The following L3MBTL4 variants were observed in gnomAD, a reference collection of about 807,000 sequenced individuals.
The protein encoded by L3MBTL4 is L3MBTL histone methyl-lysine binding protein 4.
L3MBTL4 carries 70 observed loss-of-function variants against 84.5 expected under a neutral mutation model. The observed-to-expected ratio is 0.83, with a 90% CI of 0.68 to 1.01. L3MBTL4 has a LOEUF of 1.01. Among genes scored for constraint, L3MBTL4 ranks in the 50% least tolerant of loss-of-function variants. The pLI, the probability that L3MBTL4 is intolerant of heterozygous loss-of-function variation, is 0.00. For synonymous variants in L3MBTL4, 274 were observed against 259.8 expected, an observed-to-expected ratio of 1.05 and a Z score of -0.52; for missense variants, 715 against 754.8, an observed-to-expected ratio of 0.95 and a Z score of 0.62.
intron 3 of L3MBTL4, among the ~76,000 whole-genome samples, chr18:6,306,439 A>G (rs140269426): frequency 6.6e-6 from 1 of 152,234 alleles, no homozygotes; most frequent in Non-Finnish European, 1.5e-5. Context: ...TTATAAATAC[A>G]TGAATTTTAC....
At chr18:6,241,321 G>T in intron 8 of L3MBTL4, 37 bp downstream of exon 8, 2 of 1,162,372 alleles carry the variant, frequency 1.7e-6, no homozygotes, top group Non-Finnish European at 2.5e-6. Flanking sequence ...TTAAGCTTGG[G>T]GGAAATTTGA....
intron 16 of L3MBTL4, among the ~76,000 whole-genome samples, chr18:6,006,893 A>C (rs1357792001): frequency 3.3e-5 from 5 of 152,200 alleles, no homozygotes; most frequent in Non-Finnish European, 7.3e-5. Flanking sequence ...CTGAACAAAA[A>C]ACAAATAAAA....
At chr18:6,360,228 G>A (rs571504026) in intron 1 of L3MBTL4, among the ~76,000 whole-genome samples, 5 of 152,084 alleles carry the variant, frequency 3.3e-5, no homozygotes, top group East Asian at 1.9e-4. Context: ...AAAATTTAGC[G>A]GGGTGTGGAG....
intron 12 of L3MBTL4, among the ~76,000 whole-genome samples, chr18:6,173,694 A>G (rs576382116): frequency 6.6e-6 from 1 of 152,000 alleles, no homozygotes; most frequent in Non-Finnish European, 1.5e-5. Flanking sequence ...TAGAAGAATC[A>G]CCTCAGCCTG....
At chr18:6,268,734 A>G (rs2048740770) in intron 4 of L3MBTL4, among the ~76,000 whole-genome samples, 1 of 152,208 alleles carries the variant, frequency 6.6e-6, no homozygotes, top group South Asian at 2.1e-4. Flanking sequence ...GCCAAACATT[A>G]TATAATAAAC....
chr18:6,404,868 T>G (rs919418825), intron 1 of L3MBTL4, among the ~76,000 whole-genome samples: 1 of 151,308 alleles, frequency 6.6e-6, no homozygotes, highest in Non-Finnish European at 1.5e-5. Flanking sequence ...TTTTTTTTTT[T>G]GAAGAGACGA....
chr18:6,173,180 T>G (rs1319192836), intron 12 of L3MBTL4, among the ~76,000 whole-genome samples: 1 of 152,222 alleles, frequency 6.6e-6, no homozygotes, highest in Non-Finnish European at 1.5e-5. Context: ...ACATTTCTAC[T>G]GAACTTAGGT....
At chr18:6,354,142 A>C (rs917659942) in intron 1 of L3MBTL4, among the ~76,000 whole-genome samples, 1 of 152,178 alleles carries the variant, frequency 6.6e-6, no homozygotes, top group Non-Finnish European at 1.5e-5. Context: ...ACCTACAGTG[A>C]ACTTGTTTTC....
chr18:6,224,158 C>T (rs887300950), intron 10 of L3MBTL4, among the ~76,000 whole-genome samples: 3 of 151,940 alleles, frequency 2.0e-5, no homozygotes, highest in Non-Finnish European at 2.9e-5. Context: ...AGCCCCAAGG[C>T]GAACAGGTAA....
intron 4 of L3MBTL4, among the ~76,000 whole-genome samples, chr18:6,299,772 C>T (rs1289302558): frequency 1.3e-5 from 2 of 152,126 alleles, no homozygotes; most frequent in Non-Finnish European, 2.9e-5. Flanking sequence ...TGAGTTCAAG[C>T]TATCCTCTTG....
intron 16 of L3MBTL4, among the ~76,000 whole-genome samples, chr18:6,047,216 A>G (rs2056659811): frequency 6.6e-6 from 1 of 152,188 alleles, no homozygotes; most frequent in Non-Finnish European, 1.5e-5. Context: ...TGAAACCTTG[A>G]GCAGACCAAC....
At chr18:6,144,013 C>T (rs749899028) in intron 13 of L3MBTL4, among the ~76,000 whole-genome samples, 14 of 151,808 alleles carry the variant, frequency 9.2e-5, no homozygotes, top group African/African-American at 1.7e-4. Context: ...CTGGCTAACA[C>T]GGTGAAACCC....
chr18:6,393,778 C>CT (rs11457108), intron 1 of L3MBTL4, among the ~76,000 whole-genome samples: 78,383 of 151,690 alleles, frequency 0.52, 20,318 homozygotes, highest in East Asian at 0.59. Context: ...ATAGCCTCTC[C>CT]AGCAGGCTCT....
chr18:5,970,361 T>C (rs1400303567), intron 16 of L3MBTL4, among the ~76,000 whole-genome samples: 1 of 152,232 alleles, frequency 6.6e-6, no homozygotes, highest in Non-Finnish European at 1.5e-5. Flanking sequence ...CAACGGGATC[T>C]CCATGCACTT....
chr18:6,214,945 C>CTTTCTTTGGAGT (rs1406373304), intron 11 of L3MBTL4, among the ~76,000 whole-genome samples: 1 of 152,194 alleles, frequency 6.6e-6, no homozygotes, highest in Non-Finnish European at 1.5e-5. Context: ...AGTACTCCAA[C>CTTTCTTTGGAGT]ACTTCTACTT....
Position 6,220,526 on chromosome 18 carries a change from TCCCA to T in L3MBTL4, c.785-4695_785-4692del, listed in dbSNP as rs572149153. The stretch of plus-strand genomic sequence containing the variant: ...CTCTCTATATAATAGGGAGCCCCCC[TCCCA>T]AATGTATGTGCCCTTCCTAACCCCA... On this transcript the variant is annotated intron_variant, in intron 10 of 18. Transcript: ENST00000317931. 5.9e-4 allele frequency among the ~76,000 whole-genome samples: 90 copies of T among 152,204 alleles called. 1 individual carries two copies. The East Asian group carries it at 0.015, about 26-fold the overall frequency.
rs1437967389 is a variant in L3MBTL4, at chr18:5,997,844, G to T, written c.1445-28282C>A. 2.0e-5 allele frequency among the ~76,000 whole-genome samples: 3 copies of T among 152,098 alleles called. No individual in the cohort carries two copies. The East Asian group carries it at 5.8e-4, about 29-fold the overall frequency. On this transcript the variant is annotated intron_variant, in intron 16 of 18. Transcript: ENST00000317931. ...GATATTTTGAGTTCACAAGTATAATGGTGGATGTTTGTGGGTTATATGTAA... is the reference window on the plus strand; with the variant it reads ...GATATTTTGAGTTCACAAGTATAATTGTGGATGTTTGTGGGTTATATGTAA...
intron 16 of L3MBTL4, among the ~76,000 whole-genome samples, chr18:6,053,760 T>C (rs182408365): frequency 4.6e-5 from 7 of 152,306 alleles, no homozygotes; most frequent in African/African-American, 1.4e-4. Context: ...CAGTAAACTC[T>C]TTCTTTGGAG....
chr18:5,970,547 C>A (rs2052589984), intron 16 of L3MBTL4, among the ~76,000 whole-genome samples: 1 of 152,116 alleles, frequency 6.6e-6, no homozygotes, highest in Non-Finnish European at 1.5e-5. Context: ...AAAACCAATG[C>A]CTTTATAAGG....
Sources: gnomAD v4.1 joint callset for allele counts (sites outside exome capture counted in the v4.1 genomes callset) on GRCh38, gnomAD v4.1.1 for gene constraint, MANE v1.5 for transcripts, NCBI Gene and HGNC (gene_info 2026-07-23, HGNC 2026-07-21) for gene names.